The following ITGA4 variants were observed in gnomAD, a reference collection of about 807,000 sequenced individuals.
ITGA4 encodes integrin subunit alpha 4, also known as integrin alpha-4.
A neutral mutation model predicts 133.6 loss-of-function variants in ITGA4; 63 were observed. The observed-to-expected ratio is 0.47, with a 90% CI of 0.38 to 0.58. ITGA4 has a LOEUF of 0.58. Among genes scored for constraint, ITGA4 ranks in the 20% least tolerant of loss-of-function variants. ITGA4 has a pLI of 0.00. For synonymous variants in ITGA4, 483 were observed against 438.0 expected (o/e 1.10, Z -1.28); for missense variants, 1,076 against 1,252.7 (o/e 0.86, Z 2.13).
At chr2:181,504,477 G>A (rs896616854) in intron 15 of ITGA4, among the ~76,000 whole-genome samples, 1 of 151,892 alleles carries the variant, frequency 6.6e-6, no homozygotes, top group Non-Finnish European at 1.5e-5. Flanking sequence ...ATAGTTTAAT[G>A]AAATGTCATT....
In ITGA4 at chr2:181,495,421, G is replaced by A. The variant is rs749588189; in HGVS notation, c.1385+5G>A. The stretch of plus-strand genomic sequence containing the variant: ...TGATTCTGCTGTCTTGCTAAGGTAA[G>A]ACTGATATATTTCACTGCTTAATTG... On this transcript the variant is annotated splice_donor_5th_base_variant and intron_variant, in intron 13 of 27. Transcript: ENST00000397033. This position sits in a 1 kb window ranked among gnomAD's most constrained non-coding sequence, Gnocchi z 4.3. The A allele has an allele frequency of 6.2e-7, 1 of 1,602,158 alleles. No individual in the cohort carries two copies. Among genetic ancestry groups the A allele is most frequent in the Non-Finnish European group, 8.6e-7 (1 of 1,169,398 alleles).
In ITGA4 at chr2:181,534,255, C is replaced by T. The variant is rs1687004843; in HGVS notation, c.2785-17C>T. On this transcript the variant is annotated splice_polypyrimidine_tract_variant and intron_variant, in intron 25 of 27. Coordinates refer to ENST00000397033, the MANE Select transcript of ITGA4 (RefSeq NM_000885.6). ...TGAAATAAACCAGGCTATGGTGATCCTTCTTTTATTAAACAGGATGAGACT... is the reference window on the plus strand; with the variant it reads ...TGAAATAAACCAGGCTATGGTGATCTTTCTTTTATTAAACAGGATGAGACT... 5 of 1,473,714 alleles carry T rather than the reference C, an allele frequency of 3.4e-6. No homozygotes were observed. The South Asian group carries it at 3.4e-5, about 10-fold the overall frequency. The allele number at this position is 1,473,714 out of a possible 1,614,324, so 91.3% of individuals were successfully genotyped here.
intron 17 of ITGA4, among the ~76,000 whole-genome samples, chr2:181,519,587 A>G (rs1434298767): frequency 6.6e-6 from 1 of 152,158 alleles, no homozygotes; most frequent in Admixed American, 6.6e-5. Context: ...TCCGAGGTTC[A>G]TAAGAATAAC....
At position 181,474,932 on chromosome 2, in the gene ITGA4, CTGA is replaced by C. The variant is rs1559039877; in HGVS notation, c.320-26_320-24del. ...CTTTTGTAGAATGTTTTCAATACAACTGATAAAATTATTTTCACATGCTATAGG... is the reference window on the plus strand; with the variant it reads ...CTTTTGTAGAATGTTTTCAATACAACTAAAATTATTTTCACATGCTATAGG... On this transcript the variant is annotated intron_variant, in intron 2 of 27. Coordinates refer to ENST00000397033, the MANE Select transcript of ITGA4 (RefSeq NM_000885.6). 5.2e-6 allele frequency: 8 copies of C among 1,546,644 alleles called. No homozygotes were observed. In the South Asian group the frequency reaches 6.8e-5, roughly 13 times the overall value.
chr2:181,466,546 T>A (rs1268345038), intron 2 of ITGA4, among the ~76,000 whole-genome samples: 1 of 152,144 alleles, frequency 6.6e-6, no homozygotes, highest in Non-Finnish European at 1.5e-5. Flanking sequence ...TTGGTACTTT[T>A]ATGTCCTGTA....
intron 16 of ITGA4, among the ~76,000 whole-genome samples, chr2:181,510,991 C>G (rs1056548116): frequency 2.6e-5 from 4 of 151,992 alleles, no homozygotes; most frequent in East Asian, 1.9e-4. Context: ...TGACAGTACT[C>G]TAGTCACTTC....
chr2:181,525,709 T>C (rs1251836952), intron 21 of ITGA4, among the ~76,000 whole-genome samples: 1 of 152,214 alleles, frequency 6.6e-6, no homozygotes, highest in Non-Finnish European at 1.5e-5. Flanking sequence ...TATCTACACA[T>C]GTGGCAAATG....
chr2:181,495,632 T>A lies in ITGA4; in HGVS notation c.1386-151T>A, dbSNP rs1686142185. On this transcript the variant is annotated intron_variant, in intron 13 of 27. Coordinates refer to ENST00000397033, the MANE Select transcript of ITGA4 (RefSeq NM_000885.6). The surrounding 1 kb of genome is among the most constrained non-coding windows in gnomAD (Gnocchi z 4.3). Reference sequence around the variant, plus strand: ...TAGACATTTAAATAAAAAGTTATTTTGCCCTGTGCACAGAAATGTAATTAG... The same window carrying A: ...TAGACATTTAAATAAAAAGTTATTTAGCCCTGTGCACAGAAATGTAATTAG... 3 of 708,818 alleles carry A rather than the reference T, an allele frequency of 4.2e-6. No homozygotes were observed. The highest frequency in any genetic ancestry group is 3.6e-5 in the African/African-American group (2 of 55,712). 43.9% of individuals were successfully genotyped at this position (708,818 alleles called of 1,614,324 possible). A position where few individuals can be genotyped will look rare whatever the true frequency, so the allele number is the denominator to read the frequency against.
chr2:181,485,938 A>G lies in ITGA4; in HGVS notation c.1099A>G (p.Arg367Gly). The G allele has an allele frequency of 6.2e-7, 1 of 1,605,606 alleles. No homozygotes were observed. The highest frequency in any genetic ancestry group is 8.5e-7 in the Non-Finnish European group (1 of 1,178,096). The stretch of plus-strand genomic sequence containing the variant: ...CGTTGGAAGTGACAAATATGCTGCA[A>G]GATTTGGGGAATCTATAGTTAATCT... ...NLVGSDKYAA[R>G]FGESIVNLGD... The change falls in exon 10 of 28, where the codon AGA (arginine) becomes GGA (glycine). Residue 367 changes from arginine (R) to glycine (G), a missense_variant. This residue lies in a region of ITGA4 where 436 missense variants were observed against 590.7 expected (regional missense o/e 0.74). Coordinates refer to ENST00000397033, the MANE Select transcript of ITGA4 (RefSeq NM_000885.6).
chr2:181,478,696 C>A, intron 4 of ITGA4, 61 bp from the exon 5 acceptor site: 1 of 729,008 alleles, frequency 1.4e-6, no homozygotes, highest in Non-Finnish European at 2.2e-6. Flanking sequence ...ATTTAAGAAA[C>A]AAATTATGGA....
At chr2:181,469,735 A>T (rs1474160292) in intron 2 of ITGA4, among the ~76,000 whole-genome samples, 1 of 152,222 alleles carries the variant, frequency 6.6e-6, no homozygotes, top group African/African-American at 2.4e-5. Context: ...CTATGCAGCC[A>T]TAAAAAAGGA....
chr2:181,458,837 G>T (rs1685199205), intron 2 of ITGA4: 1 of 153,352 alleles, frequency 6.5e-6, no homozygotes, highest in South Asian at 2.0e-4. Context: ...AGGAAAATTG[G>T]CATCTTCATC....
At chr2:181,480,050 T>C (rs1283120329) in intron 5 of ITGA4, 87 bp from the exon 6 acceptor site, 13 of 825,786 alleles carry the variant, frequency 1.6e-5, no homozygotes, top group Non-Finnish European at 2.3e-5. Context: ...ATTATAAAAA[T>C]ATGTTCTCTT....
At position 181,482,486 on chromosome 2, in the gene ITGA4, T is replaced by A. The variant is rs1685829315; in HGVS notation, c.904-28T>A. 5 of 1,613,688 alleles carry A rather than the reference T, an allele frequency of 3.1e-6. 1 individual carries two copies. Among genetic ancestry groups the A allele is most frequent in the Middle Eastern group, 3.3e-4 (2 of 6,052 alleles). ...GCGAGTAACCCTGCTTTTTTCTCAA[T>A]GAGTGGATCTGGTTTGTTTTGGGAC... On this transcript the variant is annotated intron_variant, in intron 8 of 27. Coordinates refer to ENST00000397033, the MANE Select transcript of ITGA4 (RefSeq NM_000885.6).
chr2:181,537,341 C>T lies in ITGA4; in HGVS notation c.*1814C>T. 1 of 453,834 alleles carries T rather than the reference C, an allele frequency of 2.2e-6. No homozygotes were observed. Among genetic ancestry groups the T allele is most frequent in the Non-Finnish European group, 4.4e-6 (1 of 226,738 alleles). 28.1% of individuals were successfully genotyped at this position (453,834 alleles called of 1,614,324 possible). ...AAAGCAGAGTACTATGGTTGTCCAA[C>T]ACAGGCCTCTCAGATACAAGGGGAA... On this transcript the variant is annotated 3_prime_UTR_variant, in exon 28 of 28. Coordinates refer to ENST00000397033, the MANE Select transcript of ITGA4 (RefSeq NM_000885.6).
chr2:181,530,385 CA>C, intron 23 of ITGA4, 138 bp from the exon 24 acceptor site: 9 of 754,938 alleles, frequency 1.2e-5, no homozygotes, highest in Admixed American at 3.1e-5. Flanking sequence ...CCAAATCTGT[CA>C]AAAAAATTTC....
intron 14 of ITGA4, 117 bp downstream of exon 14, chr2:181,496,054 G>GAGA (rs1386019007): frequency 2.0e-6 from 2 of 1,019,834 alleles, no homozygotes; most frequent in African/African-American, 3.2e-5. Flanking sequence ...GAGCGGGGGA[G>GAGA]AGAAGCTACC....
At chr2:181,472,060 G>A (rs1182377903) in intron 2 of ITGA4, among the ~76,000 whole-genome samples, 3 of 152,206 alleles carry the variant, frequency 2.0e-5, no homozygotes, top group Admixed American at 1.3e-4. Flanking sequence ...GTTAGTAAGT[G>A]AGAAAGTGAG....
intron 15 of ITGA4, 36 bp from the exon 16 acceptor site, chr2:181,509,622 G>T: frequency 1.3e-6 from 2 of 1,516,270 alleles, no homozygotes; most frequent in Admixed American, 2.3e-5. Flanking sequence ...CTACGTGCTT[G>T]TTTTTGTTAA....
Sources: gnomAD v4.1 joint callset for allele counts (sites outside exome capture counted in the v4.1 genomes callset) on GRCh38, gnomAD v4.1.1 for gene constraint, gnomAD v4.1.1 regional missense constraint, Gnocchi (gnomAD v3.1) non-coding constraint, MANE v1.5 for transcripts, NCBI Gene and HGNC (gene_info 2026-07-23, HGNC 2026-07-21) for gene names.